Variants in ITPR1 observed in about 807,000 individuals in gnomAD.
ITPR1 encodes the protein inositol 1,4,5-trisphosphate-gated calcium channel ITPR1.
A neutral mutation model predicts 318.4 loss-of-function variants in ITPR1; 96 were observed. The observed-to-expected ratio is 0.30, with a 90% confidence interval of 0.26 to 0.36. The LOEUF is 0.36. ITPR1 is among the 10% of genes least tolerant of loss of function. The pLI is 1.00. For missense variants in ITPR1, 2,440 were observed against 3,460.2 expected (o/e 0.71, Z 7.40); for synonymous variants, 1,312 against 1,289.9 (o/e 1.02, Z -0.37).
At chr3:4,550,276 T>TC (rs1182794439) in intron 4 of ITPR1, among the ~76,000 whole-genome samples, 1 of 152,046 alleles carries the variant, frequency 6.6e-6, no homozygotes, top group East Asian at 1.9e-4. Context: ...ACAGCAAGCT[T>TC]CCCCATCTCA....
chr3:4,665,357 T>C (rs931186866), intron 17 of ITPR1, 61 bp downstream of exon 17: 5 of 1,497,422 alleles, frequency 3.3e-6, no homozygotes, highest in East Asian at 4.6e-5. Context: ...TTGTGAACTT[T>C]CCTCCTGAGT....
In ITPR1 at chr3:4,826,919, G is replaced by C. The variant is rs1030486274; in HGVS notation, c.8028+8677G>C. Reference sequence around the variant, plus strand: ...AAGGGAGAGCATGGGGCGTGAGTCAGGTATACCCAGGAGTCTAGTCTGTGA... The same window carrying C: ...AAGGGAGAGCATGGGGCGTGAGTCACGTATACCCAGGAGTCTAGTCTGTGA... On this transcript the variant is annotated intron_variant, in intron 60 of 61. Coordinates refer to ENST00000649015, the MANE Select transcript of ITPR1 (RefSeq NM_001378452.1). This position sits in a 1 kb window ranked among gnomAD's most constrained non-coding sequence, Gnocchi z 4.2. 6.6e-6 allele frequency among the ~76,000 whole-genome samples: 1 copy of C among 152,136 alleles called. No individual in the cohort carries two copies. The highest frequency in any genetic ancestry group is 1.9e-4 in the East Asian group (1 of 5,178).
intron 5 of ITPR1, among the ~76,000 whole-genome samples, chr3:4,636,901 G>A (rs1236570976): frequency 6.6e-6 from 1 of 152,190 alleles, no homozygotes. Flanking sequence ...TGGTTAATTT[G>A]ACATTTCTTT....
intron 40 of ITPR1, among the ~76,000 whole-genome samples, chr3:4,722,830 A>C (rs2042257902): frequency 6.6e-6 from 1 of 152,226 alleles, no homozygotes; most frequent in Admixed American, 6.5e-5. Flanking sequence ...AGGATTAATT[A>C]GTATTTTAGT....
In ITPR1 at chr3:4,768,574, C is replaced by A. The variant is rs535969136; in HGVS notation, c.5789C>A (p.Ala1930Asp). The A allele has an allele frequency of 4.3e-6, 7 of 1,613,976 alleles. No homozygotes were observed. In the Admixed American group the frequency reaches 1.0e-4, roughly 23 times the overall value. ...GATCAGCTCCTGGAGGCCTCCGCTG[C>A]CACCAGGAAAGCCTTCACCACTTTC... ...VRDQLLEASA[A>D]TRKAFTTFRR... Residue 1930 changes from alanine (A) to aspartate (D), a missense_variant, in exon 46 of 62, where the codon GCC (alanine) becomes GAC (aspartate). Ala to Asp is a moderately radical substitution (Grantham distance 126). Transcript: ENST00000649015.
chr3:4,578,277 T>C (rs1052534031), intron 4 of ITPR1, among the ~76,000 whole-genome samples: 3 of 152,198 alleles, frequency 2.0e-5, no homozygotes, highest in Admixed American at 2.0e-4. Flanking sequence ...TCTGCCACTT[T>C]TTTTATTTTT....
intron 4 of ITPR1, among the ~76,000 whole-genome samples, chr3:4,619,077 T>C (rs969746368): frequency 6.6e-6 from 1 of 152,238 alleles, no homozygotes; most frequent in African/African-American, 2.4e-5. Flanking sequence ...TCAGTGTTTT[T>C]AAGATACTGC....
Position 4,779,336 on chromosome 3 carries a change from A to G in ITPR1, c.6292-214A>G, listed in dbSNP as rs2046674342. Among the ~76,000 whole-genome samples the G allele has an allele frequency of 6.6e-6, 1 of 152,256 alleles. No homozygotes were observed. The highest frequency in any genetic ancestry group is 2.1e-4 in the South Asian group (1 of 4,834). ...TGACAAATATGTGCCTCTTTGTCCGAAATCAGATTCTGCACACGTATCTGG... is the reference window on the plus strand; with the variant it reads ...TGACAAATATGTGCCTCTTTGTCCGGAATCAGATTCTGCACACGTATCTGG... On this transcript the variant is annotated intron_variant, in intron 48 of 61. Coordinates refer to ENST00000649015, the MANE Select transcript of ITPR1 (RefSeq NM_001378452.1). The surrounding 1 kb of genome is among the most constrained non-coding windows in gnomAD (Gnocchi z 4.0).
rs552676143 is a variant in ITPR1, at chr3:4,647,559, A to G, written c.855+1831A>G. On this transcript the variant is annotated intron_variant, in intron 10 of 61. Transcript: ENST00000649015. ...GATTGGACCATTTTACATTCCCACA[A>G]GTAATGTGTGAGAGTTCTAGTTCTT... is the stretch of plus-strand genomic sequence containing the variant. Among the ~76,000 whole-genome samples, 3 of 152,330 alleles carry G rather than the reference A, an allele frequency of 2.0e-5. No individual in the cohort carries two copies. The South Asian group carries it at 6.2e-4, about 32-fold the overall frequency.
At chr3:4,661,993 C>A in intron 14 of ITPR1, 89 bp from the exon 15 acceptor site, 1 of 1,126,150 alleles carries the variant, frequency 8.9e-7, no homozygotes, top group Non-Finnish European at 1.3e-6. Context: ...ATCTTGGGAT[C>A]AGCCAGTGTC....
At chr3:4,674,475 T>C in intron 22 of ITPR1, 132 bp downstream of exon 22, 1 of 714,510 alleles carries the variant, frequency 1.4e-6, no homozygotes, top group East Asian at 2.9e-5. Context: ...GGAAAGGAAT[T>C]CAGCTTGGTT....
intron 9 of ITPR1, 56 bp downstream of exon 9, chr3:4,645,526 T>C: frequency 1.9e-6 from 3 of 1,606,942 alleles, no homozygotes; most frequent in Non-Finnish European, 2.6e-6. Context: ...GGGGCAGCAG[T>C]CTAATTCTCT....
rs770205965 is a variant in ITPR1 at position 4,681,343 on chromosome 3, T to G, written c.3107-21T>G. The G allele has an allele frequency of 1.8e-5, 28 of 1,586,128 alleles. No homozygotes were observed. In the East Asian group the frequency reaches 5.4e-4, roughly 30 times the overall value. The stretch of plus-strand genomic sequence containing the variant: ...TTTGCAGACCTTCCTGCATCTGAAG[T>G]GGTATGTTCTAACTTTTCAGGTGCT... On this transcript the variant is annotated intron_variant, in intron 25 of 61. Coordinates refer to ENST00000649015, the MANE Select transcript of ITPR1 (RefSeq NM_001378452.1).
chr3:4,824,137 G>GC (rs1054009117), intron 60 of ITPR1, among the ~76,000 whole-genome samples: 24 of 152,198 alleles, frequency 1.6e-4, no homozygotes, highest in Admixed American at 8.5e-4. Context: ...GGGAGAACCT[G>GC]CCCCCCCATG....
intron 17 of ITPR1, among the ~76,000 whole-genome samples, chr3:4,665,842 A>G (rs749676203): frequency 6.6e-6 from 1 of 152,234 alleles, no homozygotes; most frequent in African/African-American, 2.4e-5. Flanking sequence ...AGGAGCTCCA[A>G]ACAACCTTCA....
At chr3:4,657,709 C>A (rs1406419845) in intron 12 of ITPR1, among the ~76,000 whole-genome samples, 1 of 34 alleles carries the variant, frequency 0.029, no homozygotes, top group East Asian at 0.5. Flanking sequence ...GGTGATCTGC[C>A]TGCCTTGGCC....
chr3:4,618,717 C>A (rs564968790), intron 4 of ITPR1, among the ~76,000 whole-genome samples: 1 of 152,188 alleles, frequency 6.6e-6, no homozygotes, highest in African/African-American at 2.4e-5. Flanking sequence ...TCCTCACCAC[C>A]GTCCTCTATC....
intron 6 of ITPR1, among the ~76,000 whole-genome samples, chr3:4,641,040 G>A (rs1009683088): frequency 1.3e-5 from 2 of 152,204 alleles, no homozygotes; most frequent in African/African-American, 2.4e-5. Context: ...GGGATTTGGA[G>A]GACCTCCTAA....
intron 44 of ITPR1, chr3:4,750,688 A>T (rs1465429200): frequency 6.7e-6 from 1 of 149,654 alleles, no homozygotes; most frequent in African/African-American, 2.5e-5. Flanking sequence ...TCTCTCAAAG[A>T]TCTCACTCCC....
Sources: allele counts gnomAD v4.1 joint callset (sites outside exome capture counted in the v4.1 genomes callset), GRCh38; gene constraint gnomAD v4.1.1; non-coding constraint Gnocchi (gnomAD v3.1); transcripts MANE v1.5; gene names NCBI Gene and HGNC (gene_info 2026-07-23, HGNC 2026-07-21).